ZFR: variants seen among roughly 807,000 people sequenced by gnomAD.
ZFR encodes the protein zinc finger RNA binding protein, also known as zinc finger RNA-binding protein.
A neutral mutation model predicts 130.7 loss-of-function variants in ZFR; 19 were observed. That is an observed-to-expected ratio of 0.15 (90% CI 0.10 to 0.21). The LOEUF (loss-of-function observed/expected upper bound fraction) is 0.21, where lower values mean the gene tolerates loss of function less well. Ranked by LOEUF, ZFR falls within the 10% of genes least tolerant of loss-of-function variation. ZFR has a pLI of 1.00. For missense variants in ZFR, 872 were observed against 1,321.5 expected (o/e 0.66, Z 5.27); for synonymous variants, 466 against 456.9 (o/e 1.02, Z -0.25).
At chr5:32,406,628 T>C (rs1176709420) in intron 6 of ZFR, 146 bp downstream of exon 6, 6 of 1,120,136 alleles carry the variant, frequency 5.4e-6, no homozygotes, top group Non-Finnish European at 6.9e-6. Context: ...AAAATTCTCA[T>C]GCCACAATAC....
At position 32,406,838 on chromosome 5, in the gene ZFR, T is replaced by C; in HGVS notation, c.968A>G (p.Gln323Arg). Residue 323 changes from glutamine to arginine, a missense_variant, in exon 6 of 20, where the codon CAG becomes CGG. Coordinates refer to ENST00000265069, the MANE Select transcript of ZFR (RefSeq NM_016107.5). ...GTGAATCTGTGGTGGTTTGGGAGGC[T>C]GTTTTGGTTTCAGTTGTTTATTTTG... ...PFQNKQLKPK[Q>R]PPKPPQIHYC... 1 of 1,614,130 alleles carries C rather than the reference T, an allele frequency of 6.2e-7. No individual in the cohort carries two copies. Among genetic ancestry groups the C allele is most frequent in the Non-Finnish European group, 8.5e-7 (1 of 1,180,014 alleles).
chr5:32,437,203 C>T (rs1393960631), intron 2 of ZFR, among the ~76,000 whole-genome samples: 1 of 152,168 alleles, frequency 6.6e-6, no homozygotes, highest in African/African-American at 2.4e-5. Context: ...CCTCCAATTT[C>T]CCATTTTAGT....
chr5:32,382,110 C>T (rs763958854), intron 15 of ZFR, among the ~76,000 whole-genome samples: 2 of 151,950 alleles, frequency 1.3e-5, no homozygotes, highest in Non-Finnish European at 2.9e-5. Flanking sequence ...GAGACCAGCC[C>T]GGCCAACATG....
At chr5:32,394,689 T>C (rs1385021033) in intron 11 of ZFR, among the ~76,000 whole-genome samples, 1 of 152,188 alleles carries the variant, frequency 6.6e-6, no homozygotes, top group African/African-American at 2.4e-5. Flanking sequence ...GTTTAGAAGA[T>C]ATGTTATATT....
intron 6 of ZFR, among the ~76,000 whole-genome samples, chr5:32,405,022 T>C (rs1254369503): frequency 1.3e-5 from 2 of 152,216 alleles, no homozygotes; most frequent in African/African-American, 2.4e-5. Flanking sequence ...TTGGCCATGT[T>C]GCCCAGGCTG....
At chr5:32,359,751 C>T (rs1273987692) in intron 19 of ZFR, among the ~76,000 whole-genome samples, 1 of 152,158 alleles carries the variant, frequency 6.6e-6, no homozygotes, top group Non-Finnish European at 1.5e-5. Context: ...GAGTTCGACA[C>T]CAGCCTGGCC....
intron 19 of ZFR, among the ~76,000 whole-genome samples, chr5:32,360,857 G>T (rs1431318136): frequency 6.6e-6 from 1 of 151,978 alleles, no homozygotes; most frequent in Non-Finnish European, 1.5e-5. Flanking sequence ...CTCGCAAACT[G>T]TTCGGATTAC....
intron 19 of ZFR, among the ~76,000 whole-genome samples, chr5:32,360,862 G>T (rs1433210873): frequency 6.6e-6 from 1 of 151,960 alleles, no homozygotes; most frequent in Non-Finnish European, 1.5e-5. Context: ...AAACTGTTCG[G>T]ATTACAGGCA....
At chr5:32,415,266 AAAG>A in intron 4 of ZFR, 79 bp from the exon 5 acceptor site, 1 of 1,279,198 alleles carries the variant, frequency 7.8e-7, no homozygotes, top group South Asian at 1.3e-5. Context: ...AAAAAGCTGG[AAAG>A]AATAGGTACA....
At chr5:32,359,808 G>C (rs183295837) in intron 19 of ZFR, among the ~76,000 whole-genome samples, 1 of 152,140 alleles carries the variant, frequency 6.6e-6, no homozygotes, top group East Asian at 1.9e-4. Context: ...AAGTAGCCGG[G>C]GGGTGGTGGC....
At chr5:32,437,278 C>T (rs1255518582) in intron 2 of ZFR, among the ~76,000 whole-genome samples, 1 of 152,052 alleles carries the variant, frequency 6.6e-6, no homozygotes, top group South Asian at 2.1e-4. Context: ...CACCCTCATG[C>T]CCCAGAAGTG....
intron 17 of ZFR, among the ~76,000 whole-genome samples, chr5:32,372,141 G>A (rs1182965669): frequency 6.6e-6 from 1 of 152,164 alleles, no homozygotes; most frequent in Non-Finnish European, 1.5e-5. Flanking sequence ...AAGGCTGCAG[G>A]TAGCCAAATC....
intron 17 of ZFR, among the ~76,000 whole-genome samples, chr5:32,369,772 A>G (rs1457524231): frequency 1.3e-5 from 2 of 152,198 alleles, no homozygotes; most frequent in Non-Finnish European, 2.9e-5. Context: ...TGATCATGCC[A>G]CTGCACTCCA....
intron 17 of ZFR, among the ~76,000 whole-genome samples, chr5:32,365,093 T>C (rs1199176424): frequency 1.3e-5 from 2 of 152,242 alleles, no homozygotes; most frequent in African/African-American, 4.8e-5. Flanking sequence ...TGGAATCATG[T>C]AATACGTGGC....
At chr5:32,443,710 G>GT (rs1754525015) in intron 2 of ZFR, among the ~76,000 whole-genome samples, 1 of 152,268 alleles carries the variant, frequency 6.6e-6, no homozygotes, top group African/African-American at 2.4e-5. Context: ...CCGAGACAAC[G>GT]ACACGTTATC....
rs1364774127 is a variant in ZFR at position 32,444,349 on chromosome 5, C to T, written c.38-21G>A. Reference sequence around the variant, plus strand: ...GGGCACTGCGGCGGGCACGAAGAGTCGGGTCCCATGGCGGGACAAGAGACA... The same window carrying T: ...GGGCACTGCGGCGGGCACGAAGAGTTGGGTCCCATGGCGGGACAAGAGACA... On this transcript the variant is annotated intron_variant, in intron 1 of 19. Transcript: ENST00000265069. 2.6e-6 allele frequency: 4 copies of T among 1,534,180 alleles called. No individual in the cohort carries two copies. The African/African-American group carries it at 5.6e-5, about 21-fold the overall frequency.
At chr5:32,369,631 C>A (rs1163874466) in intron 17 of ZFR, among the ~76,000 whole-genome samples, 1 of 151,756 alleles carries the variant, frequency 6.6e-6, no homozygotes, top group East Asian at 1.9e-4. Context: ...GATAGTGAGA[C>A]CTTATCTCTA....
chr5:32,416,962 T>A (rs1753841984), intron 4 of ZFR, among the ~76,000 whole-genome samples: 1 of 151,174 alleles, frequency 6.6e-6, no homozygotes, highest in Admixed American at 6.6e-5. Flanking sequence ...GTGCACAACA[T>A]GCAGGTTTGT....
At chr5:32,431,362 GAATAAAACT>G (rs1472302167) in intron 2 of ZFR, among the ~76,000 whole-genome samples, 1 of 152,102 alleles carries the variant, frequency 6.6e-6, no homozygotes, top group Non-Finnish European at 1.5e-5. Context: ...TTGGTTAGGG[GAATAAAACT>G]AATGACTAAC....
Sources: gnomAD v4.1 joint callset for allele counts (sites outside exome capture counted in the v4.1 genomes callset) on GRCh38, gnomAD v4.1.1 for gene constraint, MANE v1.5 for transcripts, NCBI Gene and HGNC (gene_info 2026-07-23, HGNC 2026-07-21) for gene names.